DST: variants seen among roughly 807,000 people sequenced by gnomAD.
The protein encoded by DST is bullous pemphigoid antigen.
A neutral mutation model predicts 875.2 loss-of-function variants in DST; 253 were observed. The ratio of observed to expected loss-of-function variants is 0.29; its 90% CI spans 0.26 to 0.32. DST has a LOEUF of 0.32. DST is among the 10% of genes least tolerant of loss of function. The pLI is 1.00. For synonymous variants in DST, 3,124 were observed against 3,197.1 expected (o/e 0.98, Z 0.77); for missense variants, 8,287 against 9,111.6 (o/e 0.91, Z 3.68).
At chr6:56,738,813 G>C (rs890604024) in intron 4 of DST, among the ~76,000 whole-genome samples, 6 of 150,998 alleles carry the variant, frequency 4.0e-5, no homozygotes, top group African/African-American at 1.5e-4. Context: ...TGCAGAGATG[G>C]GGTTTCGTCA....
chr6:56,472,069 C>T lies in DST; in HGVS notation c.22148G>A (p.Arg7383Lys). The change falls in exon 94 of 104, where the codon AGA (arginine) becomes AAA (lysine). Residue 7383 changes from arginine to lysine, a missense_variant. Arg to Lys is a conservative substitution (Grantham distance 26). Transcript: ENST00000680361. ...RRRKLNDALD[R>K]LEELREFANF... The stretch of plus-strand genomic sequence containing the variant: ...TATGAATTTCCAAACCTCCTCTAGT[C>T]TGTCCAAGGCATCATTGAGTTTCCT... The T allele has an allele frequency of 6.2e-7, 1 of 1,613,902 alleles. No individual in the cohort carries two copies. The highest frequency in any genetic ancestry group is 8.5e-7 in the Non-Finnish European group (1 of 1,179,804).
At chr6:56,568,623 C>T (rs2097722436) in intron 54 of DST, 28 bp from the exon 55 acceptor site, 1 of 1,541,452 alleles carries the variant, frequency 6.5e-7, no homozygotes, top group African/African-American at 1.4e-5. Flanking sequence ...CATTATTTTT[C>T]CATCTTAATA....
At chr6:56,903,059 A>C (rs1216369817) in intron 2 of DST, among the ~76,000 whole-genome samples, 1 of 147,450 alleles carries the variant, frequency 6.8e-6, no homozygotes, top group Non-Finnish European at 1.5e-5. Context: ...TAGTTTGACC[A>C]CTAGATGGCA....
At chr6:56,930,602 A>G (rs960618922) in intron 2 of DST, among the ~76,000 whole-genome samples, 20 of 152,312 alleles carry the variant, frequency 1.3e-4, no homozygotes, top group African/African-American at 4.8e-4. Flanking sequence ...GACGGGCTTT[A>G]ATTCAGAGAG....
Position 56,561,504 on chromosome 6 carries a change from T to C in DST, c.14114A>G (p.Tyr4705Cys). 2 of 1,613,734 alleles carry C rather than the reference T, an allele frequency of 1.2e-6. No individual in the cohort carries two copies. The highest frequency in any genetic ancestry group is 2.2e-5 in the South Asian group (2 of 91,064). ...KKDMTDISHG[Y>C]EDLGLLLKDK... ...CTTGAGTAAGAGGCCAAGATCTTCA[T>C]AACCATGACTTATGTCAGTCATGTC... The change falls in exon 57 of 104, where the codon TAT becomes TGT. Residue 4705 changes from tyrosine to cysteine, a missense_variant. By Grantham distance (194) the Tyr-to-Cys change is radical. This residue lies in a region of DST where 1,513 missense variants were observed against 1,677.8 expected (regional missense o/e 0.90). Coordinates refer to ENST00000680361, the MANE Select transcript of DST (RefSeq NM_001374736.1).
chr6:56,805,149 T>C (rs1298105854), intron 4 of DST, among the ~76,000 whole-genome samples: 1 of 152,184 alleles, frequency 6.6e-6, no homozygotes, highest in Non-Finnish European at 1.5e-5. Flanking sequence ...ATAAATCATG[T>C]GCATCATGCA....
At chr6:56,769,793 G>C (rs553846382) in intron 4 of DST, among the ~76,000 whole-genome samples, 1 of 152,178 alleles carries the variant, frequency 6.6e-6, no homozygotes. Flanking sequence ...CTCCAGCCTG[G>C]GCAAGTGGCG....
At chr6:56,716,732 T>C (rs1385461299) in intron 5 of DST, among the ~76,000 whole-genome samples, 1 of 152,080 alleles carries the variant, frequency 6.6e-6, no homozygotes, top group Admixed American at 6.5e-5. Context: ...TTGGGAGACA[T>C]TTAGTTTATA....
chr6:56,763,467 T>G (rs2099622764), intron 4 of DST, among the ~76,000 whole-genome samples: 1 of 150,772 alleles, frequency 6.6e-6, no homozygotes, highest in East Asian at 2.0e-4. Flanking sequence ...AGGTCAGGAG[T>G]TCGAAACCAG....
rs377312155 is a variant in DST at position 56,497,527 on chromosome 6, T to C, written c.20095-20A>G. 2.0e-5 allele frequency: 32 copies of C among 1,610,276 alleles called. No homozygotes were observed. Among genetic ancestry groups the C allele is most frequent in the Admixed American group, 8.4e-5 (5 of 59,768 alleles). On this transcript the variant is annotated intron_variant, in intron 81 of 103. Transcript: ENST00000680361. ...TTTGGCCTGAAGTAATAGGCAGTTT[T>C]AAGTTGGGGCCATAAACACTGTCAG...
Position 56,784,113 on chromosome 6 carries a change from T to C in DST, c.626-48824A>G, listed in dbSNP as rs565554771. Among the ~76,000 whole-genome samples, 74 of 152,362 alleles carry C rather than the reference T, an allele frequency of 4.9e-4. 1 individual carries two copies. Among genetic ancestry groups the C allele is most frequent in the Middle Eastern group, 3.4e-3 (1 of 294 alleles). The stretch of plus-strand genomic sequence containing the variant: ...AGATCTGCTGTTAGTCTGATGAGCT[T>C]CCCTTTGTGGGTAACTTGACCTTTC... On this transcript the variant is annotated intron_variant, in intron 4 of 103. Coordinates refer to ENST00000680361, the MANE Select transcript of DST (RefSeq NM_001374736.1).
chr6:56,743,930 G>A (rs962886212), intron 4 of DST, among the ~76,000 whole-genome samples: 1 of 152,114 alleles, frequency 6.6e-6, no homozygotes, highest in African/African-American at 2.4e-5. Flanking sequence ...GAGGCAGGTG[G>A]ATCACCTGAG....
intron 2 of DST, among the ~76,000 whole-genome samples, chr6:56,930,568 T>C (rs1189602023): frequency 6.6e-6 from 1 of 152,194 alleles, no homozygotes; most frequent in African/African-American, 2.4e-5. Flanking sequence ...TTTGCTTCTT[T>C]TCCTACCAAT....
At chr6:56,734,042 T>C (rs1034690938) in intron 5 of DST, among the ~76,000 whole-genome samples, 1 of 152,198 alleles carries the variant, frequency 6.6e-6, no homozygotes, top group African/African-American at 2.4e-5. Flanking sequence ...TTACAGAGTG[T>C]CCTAGCCTGT....
Position 56,608,472 on chromosome 6 carries a change from A to G in DST, c.6156T>C (p.Asp2052=), listed in dbSNP as rs2098517045. Residue 2052 remains aspartate, a synonymous_variant, in exon 40 of 104, where the codon GAT becomes GAC. Transcript: ENST00000680361. ...RLTVDEAVQC[D]LITSSSALLV... ...GAAGAGCACTGCTGGAAGTTATTAA[A>G]TCACACTGTACTGCTTCGTCTACAG... 1 of 1,613,712 alleles carries G rather than the reference A, an allele frequency of 6.2e-7. No homozygotes were observed. The highest frequency in any genetic ancestry group is 8.5e-7 in the Non-Finnish European group (1 of 1,179,762).
At chr6:56,630,436 A>G (rs946362863) in intron 30 of DST, 53 bp from the exon 31 acceptor site, 7 of 1,508,088 alleles carry the variant, frequency 4.6e-6, no homozygotes, top group Admixed American at 3.5e-5. Flanking sequence ...TTATTTTTGC[A>G]TAATGTAGTC....
At chr6:56,647,539 C>A (rs2098950404) in intron 13 of DST, among the ~76,000 whole-genome samples, 1 of 152,140 alleles carries the variant, frequency 6.6e-6, no homozygotes, top group African/African-American at 2.4e-5. Flanking sequence ...ATAAAGCTTA[C>A]AAACCAAAGA....
chr6:56,876,107 A>G (rs1591976454), intron 3 of DST, among the ~76,000 whole-genome samples: 1 of 152,076 alleles, frequency 6.6e-6, no homozygotes, highest in African/African-American at 2.4e-5. Flanking sequence ...GGAGGGAAAC[A>G]TCATCCAATG....
chr6:56,530,651 G>A lies in DST; in HGVS notation c.17109-518C>T, dbSNP rs17757660. ...ATAGTGATTCCTATTTTATAAAAGC[G>A]CAGGGTTAGGTTTACTTCCCAAAAG... On this transcript the variant is annotated intron_variant, in intron 64 of 103. Coordinates refer to ENST00000680361, the MANE Select transcript of DST (RefSeq NM_001374736.1). Among the ~76,000 whole-genome samples the A allele has an allele frequency of 0.013, 1,947 of 152,220 alleles. 69 individuals carry two copies. In the East Asian group the frequency reaches 0.14, roughly 11 times the overall value.
Sources: gnomAD v4.1 joint callset for allele counts (sites outside exome capture counted in the v4.1 genomes callset) on GRCh38, gnomAD v4.1.1 for gene constraint, gnomAD v4.1.1 regional missense constraint, MANE v1.5 for transcripts, NCBI Gene and HGNC (gene_info 2026-07-23, HGNC 2026-07-21) for gene names.